Variants in C9 observed in about 807,000 individuals in gnomAD.
The protein encoded by C9 is complement C9.
A neutral mutation model predicts 65.4 loss-of-function variants in C9; 63 were observed. The observed-to-expected ratio is 0.96, with a 90% CI of 0.79 to 1.19. The LOEUF (loss-of-function observed/expected upper bound fraction) is 1.19, where lower values mean the gene tolerates loss of function less well. Among genes scored for constraint, C9 ranks in the 50% most tolerant of loss-of-function variants. C9 has a pLI of 0.00. For missense variants in C9, 744 were observed against 670.1 expected (o/e 1.11, Z -1.22); for synonymous variants, 229 against 227.9 (o/e 1.00, Z -0.04).
chr5:39,356,205 G>A (rs1190834921), intron 1 of C9, among the ~76,000 whole-genome samples: 1 of 152,024 alleles, frequency 6.6e-6, no homozygotes, highest in East Asian at 1.9e-4. Context: ...TTTTATAGAT[G>A]GGAAACTAAA....
chr5:39,343,280 A>C (rs1754125014), intron 1 of C9, among the ~76,000 whole-genome samples: 1 of 152,050 alleles, frequency 6.6e-6, no homozygotes, highest in Non-Finnish European at 1.5e-5. Flanking sequence ...TTTCCTACCA[A>C]AGGGAAGGGG....
chr5:39,334,592 A>G (rs557463195), intron 4 of C9, among the ~76,000 whole-genome samples: 3 of 143,860 alleles, frequency 2.1e-5, no homozygotes, highest in Non-Finnish European at 4.5e-5. Context: ...CCGCCCGGCC[A>G]GCTGCCCCGT....
At chr5:39,354,928 C>T (rs1754389013) in intron 1 of C9, among the ~76,000 whole-genome samples, 1 of 152,120 alleles carries the variant, frequency 6.6e-6, no homozygotes, top group South Asian at 2.1e-4. Flanking sequence ...CTCATTGGAA[C>T]ATCATTGGTT....
intron 4 of C9, among the ~76,000 whole-genome samples, chr5:39,335,793 GT>G (rs964639982): frequency 1.3e-5 from 2 of 151,974 alleles, no homozygotes; most frequent in Non-Finnish European, 2.9e-5. Context: ...CCATGGGAGG[GT>G]CATTAAAAGA....
intron 1 of C9, among the ~76,000 whole-genome samples, chr5:39,361,761 C>T (rs1754525568): frequency 6.6e-6 from 1 of 152,122 alleles, no homozygotes; most frequent in African/African-American, 2.4e-5. Flanking sequence ...ATGTCCCCCT[C>T]ATGGCCAGTT....
chr5:39,289,471 A>C (rs1416319904), intron 9 of C9, among the ~76,000 whole-genome samples: 11 of 151,132 alleles, frequency 7.3e-5, no homozygotes, highest in Admixed American at 7.3e-4. Context: ...GTCTAAATTC[A>C]TTGAGAAATT....
intron 9 of C9, among the ~76,000 whole-genome samples, chr5:39,304,246 T>C (rs980206191): frequency 2.0e-5 from 3 of 152,146 alleles, no homozygotes; most frequent in African/African-American, 7.2e-5. Flanking sequence ...TCCAAGATAA[T>C]CAGTTTGCAA....
intron 4 of C9, among the ~76,000 whole-genome samples, chr5:39,333,572 CTCTCCCTCTCCG>C (rs995416928): frequency 6.3e-5 from 9 of 143,434 alleles, no homozygotes; most frequent in South Asian, 2.3e-4. Context: ...CTCCCTCTCC[CTCTCCCTCTCCG>C]TCTCCCTCTC....
intron 10 of C9, among the ~76,000 whole-genome samples, chr5:39,287,112 G>A (rs181756658): frequency 1.3e-5 from 2 of 151,900 alleles, no homozygotes; most frequent in African/African-American, 4.8e-5. Flanking sequence ...AATTCTACCA[G>A]AATGAAATAC....
intron 1 of C9, among the ~76,000 whole-genome samples, chr5:39,348,721 C>T (rs1009931758): frequency 1.3e-5 from 2 of 152,116 alleles, no homozygotes; most frequent in South Asian, 2.1e-4. Flanking sequence ...CACATGCACA[C>T]GTATGTTTAT....
chr5:39,305,811 A>G (rs988502308), intron 9 of C9, among the ~76,000 whole-genome samples: 7 of 152,110 alleles, frequency 4.6e-5, no homozygotes, highest in Admixed American at 6.6e-5. Context: ...TACTGACCAT[A>G]AGAATTGTTC....
At chr5:39,309,684 T>C (rs948875519) in intron 7 of C9, among the ~76,000 whole-genome samples, 11 of 152,158 alleles carry the variant, frequency 7.2e-5, no homozygotes, top group Non-Finnish European at 1.3e-4. Context: ...ACATCTTAAA[T>C]TGAGGTGGAG....
At chr5:39,310,602 C>G (rs1753463957) in intron 7 of C9, among the ~76,000 whole-genome samples, 1 of 152,074 alleles carries the variant, frequency 6.6e-6, no homozygotes, top group Non-Finnish European at 1.5e-5. Flanking sequence ...ATTCAACCAC[C>G]ACCATATAAT....
At chr5:39,319,014 C>T (rs1579855425) in intron 5 of C9, among the ~76,000 whole-genome samples, 2 of 152,068 alleles carry the variant, frequency 1.3e-5, no homozygotes, top group African/African-American at 4.8e-5. Flanking sequence ...TTTTATGCTG[C>T]TTTTTCTTTC....
intron 9 of C9, among the ~76,000 whole-genome samples, chr5:39,306,162 C>CAAA (rs541310785): frequency 2.6e-4 from 27 of 101,956 alleles, no homozygotes; most frequent in African/African-American, 9.8e-4. Context: ...GACTCTGTCT[C>CAAA]AAAAAAAAAA....
intron 6 of C9, among the ~76,000 whole-genome samples, chr5:39,315,502 A>C (rs899067730): frequency 1.2e-4 from 18 of 152,170 alleles, no homozygotes; most frequent in African/African-American, 4.3e-4. Context: ...TATAAATTGA[A>C]TGGTATATTA....
intron 1 of C9, among the ~76,000 whole-genome samples, chr5:39,351,417 C>T (rs556342581): frequency 6.6e-6 from 1 of 152,346 alleles, no homozygotes; most frequent in Non-Finnish European, 1.5e-5. Context: ...ATGAGTTTCT[C>T]TTTTCTACCT....
intron 1 of C9, among the ~76,000 whole-genome samples, chr5:39,356,411 A>G (rs1211035829): frequency 1.3e-5 from 2 of 152,228 alleles, no homozygotes; most frequent in African/African-American, 4.8e-5. Flanking sequence ...TAATAGCCTC[A>G]TGCCTTTTAG....
intron 1 of C9, among the ~76,000 whole-genome samples, chr5:39,350,447 T>G (rs2111973462): frequency 6.6e-6 from 1 of 152,276 alleles, no homozygotes; most frequent in East Asian, 1.9e-4. Context: ...CTTAACTTAT[T>G]CCAGCATTAA....
Sources: gnomAD v4.1 joint callset for allele counts (sites outside exome capture counted in the v4.1 genomes callset) on GRCh38, gnomAD v4.1.1 for gene constraint, MANE v1.5 for transcripts, NCBI Gene and HGNC (gene_info 2026-07-23, HGNC 2026-07-21) for gene names.